PLCB1: variants seen among roughly 807,000 people sequenced by gnomAD.
PLCB1 encodes the protein 1-phosphatidylinositol 4,5-bisphosphate phosphodiesterase beta-1.
A neutral mutation model predicts 161.8 loss-of-function variants in PLCB1; 46 were observed. That is an observed-to-expected ratio of 0.28 (90% CI 0.22 to 0.36). PLCB1 has a LOEUF of 0.36. PLCB1 is among the 10% of genes least tolerant of loss of function. PLCB1 has a pLI of 1.00. For synonymous variants in PLCB1, 517 were observed against 503.7 expected (o/e 1.03, Z -0.35); for missense variants, 1,016 against 1,472.5 (o/e 0.69, Z 5.07).
intron 31 of PLCB1, among the ~76,000 whole-genome samples, chr20:8,846,538 G>T (rs1986697464): frequency 6.6e-6 from 1 of 152,084 alleles, no homozygotes; most frequent in South Asian, 2.1e-4. Flanking sequence ...AGTACACTTT[G>T]TTACTGACTT....
chr20:8,327,315 A>G (rs970551667), intron 2 of PLCB1, among the ~76,000 whole-genome samples: 4 of 152,208 alleles, frequency 2.6e-5, no homozygotes, highest in South Asian at 2.1e-4. Context: ...ATGTCTGAAC[A>G]TGGGTTACAG....
At chr20:8,384,711 G>A (rs1490168697) in intron 3 of PLCB1, among the ~76,000 whole-genome samples, 1 of 152,028 alleles carries the variant, frequency 6.6e-6, no homozygotes, top group Non-Finnish European at 1.5e-5. Flanking sequence ...GTATTTGTGG[G>A]GATTTTTTGT....
At position 8,792,666 on chromosome 20, in the gene PLCB1, G is replaced by A. The variant is rs944241302; in HGVS notation, c.3423+2405G>A. The A allele has an allele frequency of 5.3e-5, 25 of 470,290 alleles. 1 individual carries two copies. The highest frequency in any genetic ancestry group is 3.8e-4 in the Admixed American group (16 of 42,366). 29.1% of individuals were successfully genotyped at this position (470,290 alleles called of 1,614,324 possible). A position where few individuals can be genotyped will look rare whatever the true frequency, so the allele number is the denominator to read the frequency against. On this transcript the variant is annotated intron_variant, in intron 31 of 31. Transcript: ENST00000338037. ...CTTTTTGTGTCTGGATTTGAAGGTTGCCCATGAAGATTGTTGGTTCCATGT... is the reference window on the plus strand; with the variant it reads ...CTTTTTGTGTCTGGATTTGAAGGTTACCCATGAAGATTGTTGGTTCCATGT...
At chr20:8,223,008 C>T (rs1979492093) in intron 2 of PLCB1, among the ~76,000 whole-genome samples, 1 of 152,114 alleles carries the variant, frequency 6.6e-6, no homozygotes, top group East Asian at 1.9e-4. Flanking sequence ...CTAAATTGAA[C>T]AGTTTTGTCC....
rs747785129 is a variant in PLCB1 at position 8,628,337 on chromosome 20, G to A, written c.290G>A (p.Arg97His). 41 of 1,613,850 alleles carry A rather than the reference G, an allele frequency of 2.5e-5. No individual in the cohort carries two copies. Among genetic ancestry groups the A allele is most frequent in the Non-Finnish European group, 3.1e-5 (37 of 1,179,784 alleles). ...RELLDVGNIG[R>H]LEQRMITVVY... ...CTTTTGGATGTGGGGAACATCGGGCGCCTGGAGCAGCGCATGATCACAGTG... is the reference window on the plus strand; with the variant it reads ...CTTTTGGATGTGGGGAACATCGGGCACCTGGAGCAGCGCATGATCACAGTG... The change falls in exon 4 of 32, where the codon CGC (arginine) becomes CAC (histidine). Residue 97 changes from arginine (R) to histidine (H), a missense_variant. Transcript: ENST00000338037.
intron 27 of PLCB1, among the ~76,000 whole-genome samples, chr20:8,781,505 G>A (rs1983235781): frequency 6.6e-6 from 1 of 151,884 alleles, no homozygotes; most frequent in African/African-American, 2.4e-5. Flanking sequence ...TTATGCCATG[G>A]TGATTTTTCA....
At chr20:8,151,992 A>C (rs1335546127) in intron 2 of PLCB1, among the ~76,000 whole-genome samples, 1 of 152,066 alleles carries the variant, frequency 6.6e-6, no homozygotes, top group Non-Finnish European at 1.5e-5. Context: ...CAGTATTTTG[A>C]CCCATGCTTA....
At chr20:8,430,045 AG>A (rs1349349268) in intron 3 of PLCB1, among the ~76,000 whole-genome samples, 1 of 152,020 alleles carries the variant, frequency 6.6e-6, no homozygotes. Context: ...AACATATTCC[AG>A]GTAGAGACAA....
intron 2 of PLCB1, among the ~76,000 whole-genome samples, chr20:8,159,061 T>G (rs1262308727): frequency 6.6e-6 from 1 of 152,152 alleles, no homozygotes; most frequent in Non-Finnish European, 1.5e-5. Context: ...AGTGCCCCAG[T>G]TGGGACTGGG....
At chr20:8,717,872 C>G (rs577804933) in intron 14 of PLCB1, 24 bp downstream of exon 14, 3 of 1,590,862 alleles carry the variant, frequency 1.9e-6, no homozygotes, top group Non-Finnish European at 2.6e-6. Flanking sequence ...GGGCTCTCCC[C>G]GTCATGTTTT....
intron 2 of PLCB1, among the ~76,000 whole-genome samples, chr20:8,287,559 T>C (rs1437852739): frequency 1.3e-5 from 2 of 152,160 alleles, no homozygotes; most frequent in South Asian, 2.1e-4. Context: ...ACCAGTCCCC[T>C]GGGAGGCTGC....
chr20:8,484,883 TC>T (rs1481169601), intron 3 of PLCB1, among the ~76,000 whole-genome samples: 2 of 152,202 alleles, frequency 1.3e-5, no homozygotes, highest in Non-Finnish European at 2.9e-5. Context: ...CACTGCTATA[TC>T]CCCCAGTTGT....
chr20:8,175,669 A>G (rs1462392044), intron 2 of PLCB1, among the ~76,000 whole-genome samples: 2 of 152,200 alleles, frequency 1.3e-5, no homozygotes. Flanking sequence ...GATCTCATTA[A>G]AATTAAAATA....
At chr20:8,641,323 T>C (rs545644908) in intron 4 of PLCB1, among the ~76,000 whole-genome samples, 5 of 152,302 alleles carry the variant, frequency 3.3e-5, no homozygotes, top group African/African-American at 1.2e-4. Context: ...ATAGAGGAGA[T>C]ATAAAAATTA....
At chr20:8,472,642 A>G (rs1277197686) in intron 3 of PLCB1, among the ~76,000 whole-genome samples, 1 of 151,984 alleles carries the variant, frequency 6.6e-6, no homozygotes, top group African/African-American at 2.4e-5. Context: ...CTAGGAGTTC[A>G]AGGCCAACCT....
intron 3 of PLCB1, among the ~76,000 whole-genome samples, chr20:8,557,007 TAAATA>T (rs1443498930): frequency 1.2e-4 from 15 of 123,846 alleles, no homozygotes; most frequent in East Asian, 1.1e-3. Flanking sequence ...AATAAATAAA[TAAATA>T]AAATAAATAA....
At chr20:8,835,303 G>A (rs542600271) in intron 31 of PLCB1, among the ~76,000 whole-genome samples, 107 of 152,274 alleles carry the variant, frequency 7.0e-4, no homozygotes, top group African/African-American at 2.4e-3. Flanking sequence ...GGTGAGGCTG[G>A]TAGCAGGCTT....
At chr20:8,408,868 C>T (rs1032858207) in intron 3 of PLCB1, among the ~76,000 whole-genome samples, 1 of 152,118 alleles carries the variant, frequency 6.6e-6, no homozygotes, top group African/African-American at 2.4e-5. Context: ...CTTAAGAAGT[C>T]ATGTAACAGT....
At chr20:8,503,515 G>A (rs2122822154) in intron 3 of PLCB1, among the ~76,000 whole-genome samples, 1 of 152,170 alleles carries the variant, frequency 6.6e-6, no homozygotes, top group Admixed American at 6.5e-5. Flanking sequence ...ACTTCACAGA[G>A]CAAGCCTTAA....
Sources: allele counts gnomAD v4.1 joint callset (sites outside exome capture counted in the v4.1 genomes callset), GRCh38; gene constraint gnomAD v4.1.1; transcripts MANE v1.5; gene names NCBI Gene and HGNC (gene_info 2026-07-23, HGNC 2026-07-21).